Variants in SEMA4A observed in about 807,000 individuals in gnomAD.
SEMA4A encodes the protein semaphorin-4A.
SEMA4A carries 52 observed loss-of-function variants against 72.5 expected under a neutral mutation model. The ratio of observed to expected loss-of-function variants is 0.72; its 90% CI spans 0.57 to 0.90. The LOEUF (loss-of-function observed/expected upper bound fraction) is 0.90, where lower values mean the gene tolerates loss of function less well. Ranked by LOEUF, SEMA4A falls within the 40% of genes least tolerant of loss-of-function variation. The pLI, the probability that SEMA4A is intolerant of heterozygous loss-of-function variation, is 0.00. For missense variants in SEMA4A, 926 were observed against 959.7 expected, an observed-to-expected ratio of 0.96 and a Z score of 0.46; for synonymous variants, 369 against 393.1, an observed-to-expected ratio of 0.94 and a Z score of 0.73.
At chr1:156,155,528 A>G (rs1290582949) in intron 2 of SEMA4A, 1 of 152,930 alleles carries the variant, frequency 6.5e-6, no homozygotes, top group East Asian at 1.9e-4. Flanking sequence ...TGATCTGTTC[A>G]GCAACTGAGG....
intron 14 of SEMA4A, 71 bp from the exon 15 acceptor site, chr1:156,176,334 G>GT (rs1345417957): frequency 8.3e-7 from 1 of 1,198,052 alleles, no homozygotes; most frequent in East Asian, 2.5e-5. Context: ...CCAAAGATAG[G>GT]TTAGAGACTC....
intron 2 of SEMA4A, 192 bp from the exon 3 acceptor site, chr1:156,156,222 G>A (rs1653006970): frequency 1.9e-5 from 12 of 636,984 alleles, no homozygotes; most frequent in South Asian, 1.8e-4. Flanking sequence ...TCTCTACTGC[G>A]GGCTCAGCAC....
At position 156,157,028 on chromosome 1, in the gene SEMA4A, G is replaced by A. The variant is rs112669515; in HGVS notation, c.300+454G>A. Among the ~76,000 whole-genome samples, 10 of 152,066 alleles carry A rather than the reference G, an allele frequency of 6.6e-5. No individual in the cohort carries two copies. Among genetic ancestry groups the A allele is most frequent in the Admixed American group, 2.6e-4 (4 of 15,282 alleles). On this transcript the variant is annotated intron_variant, in intron 3 of 14. Coordinates refer to ENST00000368285, the MANE Select transcript of SEMA4A (RefSeq NM_022367.4). This position sits in a 1 kb window ranked among gnomAD's most constrained non-coding sequence, Gnocchi z 4.5. The stretch of plus-strand genomic sequence containing the variant: ...ATTACAGGCGTGAGCCACCGCACCC[G>A]GCCTGTGACTTCACTCTTCACTGGT...
chr1:156,161,503 TC>T lies in SEMA4A; in HGVS notation c.969del (p.Phe324SerfsTer34), dbSNP rs1653657551. On this transcript the variant is annotated frameshift_variant, in exon 9 of 15. Transcript: ENST00000368285. LOFTEE classifies it high-confidence loss of function. ...DSPTAPHIYA[V>X]FTSQWQVGGT... ...CCCACAGCTCCCCACATCTACGCAG[TC>T]TTCACCTCCCAGTGGTGAGCAGCAG... The T allele has an allele frequency of 5.0e-6, 8 of 1,613,858 alleles. No individual in the cohort carries two copies. The highest frequency in any genetic ancestry group is 6.8e-6 in the Non-Finnish European group (8 of 1,179,970).
chr1:156,151,838 CAAAAAAAAAAAA>C (rs546304826), upstream of SEMA4A, among the ~76,000 whole-genome samples: 2 of 17,524 alleles, frequency 1.1e-4, no homozygotes, highest in Non-Finnish European at 1.6e-4. Context: ...CACTTCGTCT[CAAAAAAAAAAAA>C]AAAAAAAAAA....
Position 156,175,676 on chromosome 1 carries a change from C to T in SEMA4A, c.1693+20C>T. ...AAATCAGTGAGTGTAGGACCACTCACCAGGGGAGGTGCAAAGGCTCTGGAA... is the reference window on the plus strand; with the variant it reads ...AAATCAGTGAGTGTAGGACCACTCATCAGGGGAGGTGCAAAGGCTCTGGAA... On this transcript the variant is annotated intron_variant, in intron 14 of 14. Coordinates refer to ENST00000368285, the MANE Select transcript of SEMA4A (RefSeq NM_022367.4). 1 of 1,553,824 alleles carries T rather than the reference C, an allele frequency of 6.4e-7. No homozygotes were observed. The highest frequency in any genetic ancestry group is 8.8e-7 in the Non-Finnish European group (1 of 1,135,360).
intron 10 of SEMA4A, among the ~76,000 whole-genome samples, chr1:156,168,545 T>C (rs1258607997): frequency 6.6e-6 from 1 of 152,096 alleles, no homozygotes; most frequent in African/African-American, 2.4e-5. Flanking sequence ...TGTTGGTTCT[T>C]CTTCTTCTTC....
At position 156,161,480 on chromosome 1, in the gene SEMA4A, C is replaced by G. The variant is rs1158948569; in HGVS notation, c.945C>G (p.Pro315=). The stretch of plus-strand genomic sequence containing the variant: ...CGGTCCTGCTCCCCGCCGATTCTCC[C>G]ACAGCTCCCCACATCTACGCAGTCT... ...RHAVLLPADS[P]TAPHIYAVFT... is the part of the protein sequence containing the mutation. Residue 315 remains proline, a synonymous_variant, in exon 9 of 15, where the codon CCC becomes CCG. Transcript: ENST00000368285. 1 of 1,614,024 alleles carries G rather than the reference C, an allele frequency of 6.2e-7. No homozygotes were observed. The highest frequency in any genetic ancestry group is 8.5e-7 in the Non-Finnish European group (1 of 1,179,972).
chr1:156,172,006 G>A (rs1572421204), intron 10 of SEMA4A, among the ~76,000 whole-genome samples: 3 of 151,994 alleles, frequency 2.0e-5, no homozygotes, highest in Admixed American at 1.3e-4. Flanking sequence ...GGATGGTCTC[G>A]ATCTCCTGAC....
chr1:156,164,480 A>T (rs1653978936), intron 10 of SEMA4A, among the ~76,000 whole-genome samples: 1 of 152,160 alleles, frequency 6.6e-6, no homozygotes, highest in Non-Finnish European at 1.5e-5. Context: ...GTTTAGTGAT[A>T]CTACACTGGT....
Position 156,162,972 on chromosome 1 carries a change from G to T in SEMA4A, c.1012G>T (p.Val338Phe), listed in dbSNP as rs755370926. The change falls in exon 10 of 15, where the codon GTT becomes TTT. Residue 338 changes from valine to phenylalanine, a missense_variant. Transcript: ENST00000368285. ...WQVGGTRSSA[V>F]CAFSLLDIER... ...GGTTGGCGGGACCAGGAGCTCTGCG[G>T]TTTGTGCCTTCTCTCTCTTGGACAT... 6.2e-7 allele frequency: 1 copy of T among 1,614,060 alleles called. No individual in the cohort carries two copies. The highest frequency in any genetic ancestry group is 1.1e-5 in the South Asian group (1 of 91,078).
intron 3 of SEMA4A, 102 bp downstream of exon 3, chr1:156,156,676 T>C: frequency 9.0e-7 from 1 of 1,106,996 alleles, no homozygotes; most frequent in East Asian, 2.4e-5. Flanking sequence ...GTTGCTGTTA[T>C]CTGTAATCAG....
chr1:156,152,940 G>A (rs1002152617), upstream of SEMA4A, among the ~76,000 whole-genome samples: 2 of 152,068 alleles, frequency 1.3e-5, no homozygotes, highest in African/African-American at 2.4e-5. Context: ...CATTAACCCC[G>A]CGTTATGAGG....
intron 10 of SEMA4A, among the ~76,000 whole-genome samples, chr1:156,169,046 A>C (rs1274259069): frequency 6.6e-6 from 1 of 151,916 alleles, no homozygotes; most frequent in Non-Finnish European, 1.5e-5. Context: ...TGGTGGATAA[A>C]CCTCCAGTCT....
chr1:156,159,153 G>A (rs983611963), intron 6 of SEMA4A: 1 of 351,992 alleles, frequency 2.8e-6, no homozygotes, highest in African/African-American at 2.1e-5. Flanking sequence ...GGTAAACATG[G>A]TGAAACCCCA....
rs1653652169 is a variant in SEMA4A at position 156,161,466 on chromosome 1, C to A, written c.931C>A (p.Pro311Thr). ...FNVIRHAVLL[P>T]ADSPTAPHIY... Reference sequence around the variant, plus strand: ...CGTCATCCGCCACGCGGTCCTGCTCCCCGCCGATTCTCCCACAGCTCCCCA... The same window carrying A: ...CGTCATCCGCCACGCGGTCCTGCTCACCGCCGATTCTCCCACAGCTCCCCA... Residue 311 changes from proline (P) to threonine (T), a missense_variant, in exon 9 of 15, where the codon CCC becomes ACC. Coordinates refer to ENST00000368285, the MANE Select transcript of SEMA4A (RefSeq NM_022367.4). 1 of 1,614,058 alleles carries A rather than the reference C, an allele frequency of 6.2e-7. No homozygotes were observed. Among genetic ancestry groups the A allele is most frequent in the African/African-American group, 1.3e-5 (1 of 75,052 alleles).
upstream of SEMA4A, among the ~76,000 whole-genome samples, chr1:156,148,935 T>C (rs921760859): frequency 2.6e-5 from 4 of 151,708 alleles, no homozygotes; most frequent in Non-Finnish European, 5.9e-5. Flanking sequence ...CCCGAGTAGC[T>C]GGTACTGCAG....
At chr1:156,148,939 A>T (rs1652320045), upstream of SEMA4A, among the ~76,000 whole-genome samples, 1 of 150,868 alleles carries the variant, frequency 6.6e-6, no homozygotes, top group African/African-American at 2.4e-5. Flanking sequence ...AGTAGCTGGT[A>T]CTGCAGGCAT....
At chr1:156,155,038 A>G (rs1032098242) in intron 2 of SEMA4A, 3 of 407,492 alleles carry the variant, frequency 7.4e-6, no homozygotes, top group African/African-American at 6.1e-5. Context: ...GGGCACCTCA[A>G]ACTCCTAACT....
Sources: allele counts gnomAD v4.1 joint callset (sites outside exome capture counted in the v4.1 genomes callset), GRCh38; gene constraint gnomAD v4.1.1; non-coding constraint Gnocchi (gnomAD v3.1); transcripts MANE v1.5; gene names NCBI Gene and HGNC (gene_info 2026-07-23, HGNC 2026-07-21).